TRAPPC2: variants seen among roughly 807,000 people sequenced by gnomAD.
TRAPPC2 encodes sedlin.
TRAPPC2 carries 4 observed loss-of-function variants against 10.0 expected under a neutral mutation model. The observed-to-expected ratio is 0.40, with a 90% CI of 0.20 to 0.92. The LOEUF is 0.92. TRAPPC2 is among the 40% of genes least tolerant of loss of function. TRAPPC2 has a pLI of 0.35. For missense variants in TRAPPC2, 52 were observed against 108.7 expected (o/e 0.48, Z 2.32); for synonymous variants, 36 against 37.3 (o/e 0.97, Z 0.12).
chrX:13,717,052 A>AC (rs1376465010), intron 3 of TRAPPC2, among the ~76,000 whole-genome samples: 1 of 105,240 alleles, frequency 9.5e-6, no homozygotes, highest in Non-Finnish European at 2.0e-5. Flanking sequence ...AAAAAAAAAA[A>AC]AAAAAAAAAA....
chrX:13,716,576 T>C lies in TRAPPC2; in HGVS notation c.196A>G (p.Lys66Glu). Reference sequence around the variant, plus strand: ...GCCGACACAAACCACTCGTTGAACTTGTCCACAGTTTTCAAGTACATGTTG... The same window carrying C: ...GCCGACACAAACCACTCGTTGAACTCGTCCACAGTTTTCAAGTACATGTTG... ...SNNMYLKTVD[K>E]FNEWFVSAFV... The change falls in exon 4 of 6, where the codon AAG becomes GAG. Residue 66 changes from lysine (K) to glutamate (E), a missense_variant. Physicochemically the swap from Lys to Glu is moderately conservative, Grantham distance 56 (BLOSUM62 1). Transcript: ENST00000380579. 2.5e-6 allele frequency: 3 copies of C among 1,211,794 alleles called. No homozygotes were observed. Among genetic ancestry groups the C allele is most frequent in the Non-Finnish European group, 3.4e-6 (3 of 895,442 alleles).
At chrX:13,720,054 T>C (rs2046375876) in intron 2 of TRAPPC2, 72 bp from the exon 3 acceptor site, 1 of 754,629 alleles carries the variant, frequency 1.3e-6, no homozygotes, top group Admixed American at 4.4e-5. Flanking sequence ...ATGGGAAGTG[T>C]AGAATTCTTT....
chrX:13,726,668 AC>A (rs1357012524), intron 2 of TRAPPC2, among the ~76,000 whole-genome samples: 1 of 112,143 alleles, frequency 8.9e-6, no homozygotes, highest in Non-Finnish European at 1.9e-5. Flanking sequence ...ATTGTAAAAG[AC>A]CATTGATGCT....
Position 13,716,589 on chromosome X carries a change from C to T in TRAPPC2, c.183G>A (p.Leu61=). 8.3e-7 allele frequency: 1 copy of T among 1,211,717 alleles called. No individual in the cohort carries two copies. Among genetic ancestry groups the T allele is most frequent in the Non-Finnish European group, 1.1e-6 (1 of 895,402 alleles). Residue 61 remains leucine (L), a synonymous_variant, in exon 4 of 6, where the codon TTG becomes TTA. Coordinates refer to ENST00000380579, the MANE Select transcript of TRAPPC2 (RefSeq NM_001011658.4). The part of the protein sequence containing the change: ...ENMWLSNNMY[L]KTVDKFNEWF... ...ACTCGTTGAACTTGTCCACAGTTTT[C>T]AAGTACATGTTGTTCGATAGCCACA...
At chrX:13,728,740 G>A (rs1011340001) in intron 2 of TRAPPC2, among the ~76,000 whole-genome samples, 1 of 112,047 alleles carries the variant, frequency 8.9e-6, no homozygotes, top group Non-Finnish European at 1.9e-5. Context: ...AGTGTTGGAA[G>A]TTCTGGCCAG....
chrX:13,714,565 G>A, intron 5 of TRAPPC2, 60 bp from the exon 6 acceptor site: 1 of 654,044 alleles, frequency 1.5e-6, no homozygotes, highest in Non-Finnish European at 2.2e-6. Context: ...GTTTCTGAAA[G>A]GAAATCATTT....
chrX:13,732,660 G>A (rs770807398), intron 2 of TRAPPC2, among the ~76,000 whole-genome samples: 1 of 112,929 alleles, frequency 8.9e-6, no homozygotes, highest in African/African-American at 3.2e-5. Flanking sequence ...CAAGCCCAGG[G>A]CTGCTCATTT....
intron 2 of TRAPPC2, among the ~76,000 whole-genome samples, chrX:13,724,154 TGTG>T (rs2046489835): frequency 9.0e-6 from 1 of 110,877 alleles, no homozygotes; most frequent in African/African-American, 3.3e-5. Context: ...AACTCTCACT[TGTG>T]GTGGAAACAG....
In TRAPPC2 at chrX:13,712,531, GACA is replaced by G. The variant is rs1167427728; in HGVS notation, c.*1873_*1875del. 3.6e-5 allele frequency: 4 copies of G among 112,145 alleles called. No individual in the cohort carries two copies. Among genetic ancestry groups the G allele is most frequent in the Non-Finnish European group, 7.5e-5 (4 of 53,258 alleles). The allele number at this position is 112,145 out of a possible 1,213,427, so 9.2% of individuals were successfully genotyped here. ...GTTAATGTAATCCAAGCTTTTCTTT[GACA>G]ACAATACTAAAAATTGCCTTACAAT... is the stretch of plus-strand genomic sequence containing the variant. On this transcript the variant is annotated 3_prime_UTR_variant, in exon 6 of 6. Coordinates refer to ENST00000380579, the MANE Select transcript of TRAPPC2 (RefSeq NM_001011658.4).
At chrX:13,722,208 C>CAAAAAAA (rs748574644) in intron 2 of TRAPPC2, 2 of 36,116 alleles carry the variant, frequency 5.5e-5, no homozygotes, top group Non-Finnish European at 1.0e-4. Context: ...TAAGCAGCAG[C>CAAAAAAA]AAAAAAAAAA....
At chrX:13,725,491 C>T (rs1442000803) in intron 2 of TRAPPC2, among the ~76,000 whole-genome samples, 1 of 112,295 alleles carries the variant, frequency 8.9e-6, no homozygotes, top group Non-Finnish European at 1.9e-5. Flanking sequence ...CCAGCAAACT[C>T]CAACAGACCT....
chrX:13,723,352 G>A (rs1407055535), intron 2 of TRAPPC2, among the ~76,000 whole-genome samples: 4 of 108,993 alleles, frequency 3.7e-5, no homozygotes, highest in Non-Finnish European at 7.6e-5. Context: ...ATTTTTAGTA[G>A]AGACGGGGAT....
chrX:13,725,714 C>T (rs2046532739), intron 2 of TRAPPC2, among the ~76,000 whole-genome samples: 1 of 112,408 alleles, frequency 8.9e-6, no homozygotes, highest in Non-Finnish European at 1.9e-5. Context: ...CAAAGGATTG[C>T]AGCTCCTCGC....
chrX:13,723,298 G>T (rs1486591450), intron 2 of TRAPPC2, among the ~76,000 whole-genome samples: 1 of 110,376 alleles, frequency 9.1e-6, no homozygotes, highest in Non-Finnish European at 1.9e-5. Flanking sequence ...CTCTTGAGTA[G>T]CCAGGAGTAT....
chrX:13,730,046 A>T (rs889394917), intron 2 of TRAPPC2, among the ~76,000 whole-genome samples: 1 of 112,237 alleles, frequency 8.9e-6, no homozygotes, highest in Admixed American at 9.5e-5. Flanking sequence ...AAAAGCAATG[A>T]CAACAAAAGC....
chrX:13,716,848 T>C (rs1300073994), intron 3 of TRAPPC2, 170 bp from the exon 4 acceptor site: 1 of 476,499 alleles, frequency 2.1e-6, no homozygotes, highest in Non-Finnish European at 3.4e-6. Flanking sequence ...CATATTATAT[T>C]CTATTTTTAA....
At chrX:13,727,493 A>G (rs2046578852) in intron 2 of TRAPPC2, among the ~76,000 whole-genome samples, 1 of 112,508 alleles carries the variant, frequency 8.9e-6, no homozygotes, top group South Asian at 3.6e-4. Flanking sequence ...TTGCTCCTGA[A>G]TGACTACTGG....
At chrX:13,731,212 C>T (rs1176254924) in intron 2 of TRAPPC2, among the ~76,000 whole-genome samples, 3 of 112,020 alleles carry the variant, frequency 2.7e-5, no homozygotes, top group Non-Finnish European at 3.8e-5. Context: ...CCATATCATC[C>T]GCTAGGTTAA....
intron 2 of TRAPPC2, among the ~76,000 whole-genome samples, chrX:13,731,270 T>C (rs1473269388): frequency 8.9e-6 from 1 of 112,149 alleles, no homozygotes; most frequent in Non-Finnish European, 1.9e-5. Flanking sequence ...TCTCCTAGTC[T>C]ATAACAGGGT....
Sources: allele counts gnomAD v4.1 joint callset (sites outside exome capture counted in the v4.1 genomes callset), GRCh38; gene constraint gnomAD v4.1.1; transcripts MANE v1.5; gene names NCBI Gene and HGNC (gene_info 2026-07-23, HGNC 2026-07-21).